The following HHAT variants were observed in gnomAD, a reference collection of about 807,000 sequenced individuals.
HHAT encodes hedgehog acyltransferase.
In HHAT, 47 loss-of-function variants were observed where a neutral mutation model predicts 70.8. That is an observed-to-expected ratio of 0.66 (90% CI 0.53 to 0.85). HHAT has a LOEUF of 0.85. Among genes scored for constraint, HHAT ranks in the 40% least tolerant of loss-of-function variants. The pLI is 0.00. For missense variants in HHAT, 609 were observed against 604.8 expected (o/e 1.01, Z -0.07); for synonymous variants, 228 against 247.6 (o/e 0.92, Z 0.74).
intron 3 of HHAT, among the ~76,000 whole-genome samples, chr1:210,370,194 A>G (rs2089432137): frequency 8.4e-6 from 1 of 119,494 alleles, no homozygotes; most frequent in African/African-American, 3.4e-5. Context: ...TTTTTTCCTG[A>G]ATGCAGAGTC....
intron 4 of HHAT, 92 bp from the exon 5 acceptor site, chr1:210,400,376 T>G: frequency 8.5e-7 from 1 of 1,181,322 alleles, no homozygotes; most frequent in Non-Finnish European, 1.2e-6. Context: ...ATGTAGAACC[T>G]TCAATATCAC....
chr1:210,435,531 T>C (rs1399426365), intron 7 of HHAT, among the ~76,000 whole-genome samples: 1 of 151,816 alleles, frequency 6.6e-6, no homozygotes, highest in Non-Finnish European at 1.5e-5. Flanking sequence ...TTTTTGTTTT[T>C]TGGGGGCAGT....
At chr1:210,540,993 G>A (rs768945838) in intron 9 of HHAT, among the ~76,000 whole-genome samples, 29 of 151,886 alleles carry the variant, frequency 1.9e-4, no homozygotes, top group Non-Finnish European at 3.2e-4. Flanking sequence ...GGCGCACGCC[G>A]CCATGCCCGG....
intron 9 of HHAT, among the ~76,000 whole-genome samples, chr1:210,550,258 A>G (rs192898104): frequency 6.7e-6 from 1 of 149,458 alleles, no homozygotes; most frequent in African/African-American, 2.5e-5. Context: ...ACTCCTTTGT[A>G]AATGCCTTGG....
intron 9 of HHAT, among the ~76,000 whole-genome samples, chr1:210,581,015 A>G (rs949923373): frequency 1.3e-5 from 2 of 152,090 alleles, no homozygotes; most frequent in African/African-American, 2.4e-5. Flanking sequence ...AATAATCACC[A>G]TTCTGACTGG....
At chr1:210,566,759 C>G (rs1654847943) in intron 9 of HHAT, among the ~76,000 whole-genome samples, 1 of 152,180 alleles carries the variant, frequency 6.6e-6, no homozygotes, top group African/African-American at 2.4e-5. Context: ...CCACCTCCAC[C>G]ACTCAGTAAA....
chr1:210,409,717 C>T (rs2092460997), intron 6 of HHAT, among the ~76,000 whole-genome samples: 1 of 152,178 alleles, frequency 6.6e-6, no homozygotes, highest in African/African-American at 2.4e-5. Flanking sequence ...AACCTTTCAT[C>T]TTTGAGAACT....
At chr1:210,510,303 G>A (rs1348568916) in intron 8 of HHAT, among the ~76,000 whole-genome samples, 1 of 152,154 alleles carries the variant, frequency 6.6e-6, no homozygotes, top group Admixed American at 6.5e-5. Context: ...CATCACCCCC[G>A]GAGGCCATGG....
chr1:210,521,877 A>C (rs2095163593), intron 9 of HHAT, among the ~76,000 whole-genome samples: 1 of 152,228 alleles, frequency 6.6e-6, no homozygotes, highest in Non-Finnish European at 1.5e-5. Flanking sequence ...AGTAAGACCC[A>C]GATGGTAATG....
intron 9 of HHAT, among the ~76,000 whole-genome samples, chr1:210,565,193 A>G (rs987743549): frequency 1.3e-5 from 2 of 152,184 alleles, no homozygotes; most frequent in Non-Finnish European, 2.9e-5. Flanking sequence ...GTGAATGGAC[A>G]TGTGCCGATG....
At chr1:210,391,569 A>G (rs1055813195) in intron 4 of HHAT, among the ~76,000 whole-genome samples, 4 of 152,228 alleles carry the variant, frequency 2.6e-5, no homozygotes, top group Non-Finnish European at 5.9e-5. Context: ...AAATCACTCA[A>G]TAGAAAAATG....
chr1:210,576,277 C>A (rs1187467521), intron 9 of HHAT, among the ~76,000 whole-genome samples: 1 of 151,950 alleles, frequency 6.6e-6, no homozygotes. Context: ...TTTAAAACCC[C>A]AGCTTTATTG....
intron 7 of HHAT, among the ~76,000 whole-genome samples, chr1:210,442,398 C>T (rs867086984): frequency 5.5e-4 from 78 of 143,044 alleles, no homozygotes; most frequent in Admixed American, 1.1e-3. Flanking sequence ...ATGGTATTTC[C>T]AGTTCTAGAT....
At chr1:210,659,586 G>T (rs1677199947) in intron 11 of HHAT, among the ~76,000 whole-genome samples, 1 of 152,148 alleles carries the variant, frequency 6.6e-6, no homozygotes, top group Non-Finnish European at 1.5e-5. Context: ...GCATCATCCT[G>T]ATATCAAAGC....
chr1:210,404,993 C>T (rs2148215895), intron 6 of HHAT, among the ~76,000 whole-genome samples: 1 of 151,926 alleles, frequency 6.6e-6, no homozygotes, highest in Middle Eastern at 3.4e-3. Context: ...TGGCAAAGTC[C>T]CAAGGAAAGA....
intron 7 of HHAT, among the ~76,000 whole-genome samples, chr1:210,425,298 G>T (rs1475716341): frequency 6.6e-6 from 1 of 152,140 alleles, no homozygotes; most frequent in Non-Finnish European, 1.5e-5. Flanking sequence ...TTTGTAGGTT[G>T]TCTGTTTACT....
chr1:210,412,708 G>A (rs909142795), intron 6 of HHAT, among the ~76,000 whole-genome samples: 3 of 152,214 alleles, frequency 2.0e-5, no homozygotes, highest in African/African-American at 7.2e-5. Context: ...GTGGGGAGGG[G>A]GTTATGCCTC....
chr1:210,622,005 A>C (rs1179114324), intron 10 of HHAT, among the ~76,000 whole-genome samples: 1 of 152,190 alleles, frequency 6.6e-6, no homozygotes, highest in Non-Finnish European at 1.5e-5. Flanking sequence ...GGCTGGCAGG[A>C]GAGAACAGGA....
intron 9 of HHAT, among the ~76,000 whole-genome samples, chr1:210,567,328 G>A (rs1377922377): frequency 6.6e-6 from 1 of 152,132 alleles, no homozygotes; most frequent in Non-Finnish European, 1.5e-5. Context: ...TGCAACATGG[G>A]ACAAACTGAC....
Sources: gnomAD v4.1 joint callset for allele counts (sites outside exome capture counted in the v4.1 genomes callset) on GRCh38, gnomAD v4.1.1 for gene constraint, MANE v1.5 for transcripts, NCBI Gene and HGNC (gene_info 2026-07-23, HGNC 2026-07-21) for gene names.